DPP10: variants seen among roughly 807,000 people sequenced by gnomAD.
DPP10 encodes inactive dipeptidyl peptidase 10.
DPP10 carries 33 observed loss-of-function variants against 120.9 expected under a neutral mutation model. The observed-to-expected ratio is 0.27, with a 90% CI of 0.21 to 0.37. The LOEUF is 0.37. Ranked by LOEUF, DPP10 falls within the 10% of genes least tolerant of loss-of-function variation. The pLI is 1.00. For missense variants in DPP10, 816 were observed against 942.8 expected (o/e 0.87, Z 1.76); for synonymous variants, 337 against 326.1 (o/e 1.03, Z -0.36).
rs190211246 is a variant in DPP10 at position 114,577,497 on chromosome 2, C to T, written c.60+134659C>T. 1.8e-3 allele frequency among the ~76,000 whole-genome samples: 280 copies of T among 152,296 alleles called. 1 individual carries two copies. The highest frequency in any genetic ancestry group is 6.2e-3 in the African/African-American group (256 of 41,552). On this transcript the variant is annotated intron_variant, in intron 1 of 25. Transcript: ENST00000410059. ...CAGAGGGGTCCATAGAAAGTCAGAG[C>T]TGCTGCCATTGATGACGAGGCCGGA...
chr2:115,689,490 G>A (rs1161176255), intron 5 of DPP10, among the ~76,000 whole-genome samples, 197 bp from the exon 6 acceptor site: 1 of 152,046 alleles, frequency 6.6e-6, no homozygotes, highest in Non-Finnish European at 1.5e-5. Context: ...GATTAAATAA[G>A]CAATGGAATT....
At chr2:115,502,546 A>G (rs1046539158) in intron 4 of DPP10, among the ~76,000 whole-genome samples, 13 of 152,300 alleles carry the variant, frequency 8.5e-5, no homozygotes, top group African/African-American at 2.6e-4. Flanking sequence ...TCTGCTGTCA[A>G]TAATCTGAAT....
intron 5 of DPP10, among the ~76,000 whole-genome samples, chr2:115,645,476 GA>G (rs1431813912): frequency 6.6e-6 from 1 of 152,062 alleles, no homozygotes; most frequent in Non-Finnish European, 1.5e-5. Context: ...CACCTGCCTA[GA>G]AACTATATCA....
At chr2:115,677,229 T>C (rs1178890340) in intron 5 of DPP10, among the ~76,000 whole-genome samples, 1 of 152,052 alleles carries the variant, frequency 6.6e-6, no homozygotes, top group Non-Finnish European at 1.5e-5. Flanking sequence ...ATCTCTACCA[T>C]TATAAAAACA....
At chr2:115,107,630 CT>C (rs1441283983) in intron 1 of DPP10, among the ~76,000 whole-genome samples, 2 of 151,712 alleles carry the variant, frequency 1.3e-5, no homozygotes, top group African/African-American at 4.8e-5. Context: ...ATAACAAAAT[CT>C]TTTTCAATTT....
intron 5 of DPP10, among the ~76,000 whole-genome samples, chr2:115,620,788 C>G (rs951778190): frequency 6.6e-6 from 1 of 152,158 alleles, no homozygotes; most frequent in African/African-American, 2.4e-5. Flanking sequence ...GAATATAGTA[C>G]TAAGGCAGAA....
chr2:115,675,460 G>T (rs2090182762), intron 5 of DPP10, among the ~76,000 whole-genome samples: 1 of 152,048 alleles, frequency 6.6e-6, no homozygotes, highest in South Asian at 2.1e-4. Context: ...CATTGAATAG[G>T]ATGTTTAAGG....
At chr2:115,756,252 T>G (rs1196984173) in intron 11 of DPP10, among the ~76,000 whole-genome samples, 1 of 152,154 alleles carries the variant, frequency 6.6e-6, no homozygotes, top group Non-Finnish European at 1.5e-5. Flanking sequence ...GATTAAGTTC[T>G]AGTGTTCTGA....
chr2:115,590,074 G>GAGTATTGC (rs2082538113), intron 5 of DPP10, among the ~76,000 whole-genome samples: 1 of 149,874 alleles, frequency 6.7e-6, no homozygotes, highest in Non-Finnish European at 1.5e-5. Context: ...AGGAGCAGCA[G>GAGTATTGC]AGTATTGCAG....
chr2:115,466,172 T>C (rs2074312747), intron 3 of DPP10, among the ~76,000 whole-genome samples: 1 of 152,172 alleles, frequency 6.6e-6, no homozygotes, highest in African/African-American at 2.4e-5. Flanking sequence ...GAAACTTATG[T>C]GGAAATACCA....
At chr2:114,620,035 C>T (rs558819496) in intron 1 of DPP10, among the ~76,000 whole-genome samples, 4 of 151,982 alleles carry the variant, frequency 2.6e-5, no homozygotes, top group African/African-American at 7.2e-5. Context: ...CTAAAAATCT[C>T]GGTTTAAGTT....
intron 1 of DPP10, among the ~76,000 whole-genome samples, chr2:115,297,769 G>A (rs909808491): frequency 6.6e-6 from 1 of 152,052 alleles, no homozygotes; most frequent in Non-Finnish European, 1.5e-5. Context: ...GCAGAATGTA[G>A]CAGAAGATTA....
chr2:115,433,021 G>A (rs985070327), intron 3 of DPP10, among the ~76,000 whole-genome samples: 1 of 151,946 alleles, frequency 6.6e-6, no homozygotes, highest in African/African-American at 2.4e-5. Flanking sequence ...AACTCTCCCT[G>A]CCCTGAGAAA....
chr2:115,109,559 A>G (rs773921623), intron 1 of DPP10, among the ~76,000 whole-genome samples: 5 of 152,150 alleles, frequency 3.3e-5, no homozygotes, highest in African/African-American at 4.8e-5. Context: ...AAAAAATTCA[A>G]CGTTGTCAAT....
chr2:114,694,051 G>T (rs1699924273), intron 1 of DPP10, among the ~76,000 whole-genome samples: 1 of 151,802 alleles, frequency 6.6e-6, no homozygotes, highest in Admixed American at 6.6e-5. Context: ...CCCAATAAAG[G>T]AATATCAAGA....
chr2:114,672,975 G>A (rs1288348288), intron 1 of DPP10, among the ~76,000 whole-genome samples: 2 of 152,122 alleles, frequency 1.3e-5, no homozygotes, highest in Admixed American at 6.6e-5. Context: ...GGCCGTCTCA[G>A]CTCTAATAAC....
At chr2:115,781,811 A>C (rs1442962512) in intron 16 of DPP10, among the ~76,000 whole-genome samples, 1 of 152,058 alleles carries the variant, frequency 6.6e-6, no homozygotes, top group Non-Finnish European at 1.5e-5. Flanking sequence ...AAGTTTCAAG[A>C]TAACTTTTTA....
chr2:115,610,490 A>AGTGTGTGT (rs751694854), intron 5 of DPP10, among the ~76,000 whole-genome samples: 2 of 31,198 alleles, frequency 6.4e-5, no homozygotes, highest in Non-Finnish European at 6.9e-5. Flanking sequence ...AAGCAGTATG[A>AGTGTGTGT]GTGTGTGTGT....
At position 114,633,522 on chromosome 2, in the gene DPP10, C is replaced by T. The variant is rs554792518; in HGVS notation, c.60+190684C>T. On this transcript the variant is annotated intron_variant, in intron 1 of 25. Transcript: ENST00000410059. Reference sequence around the variant, plus strand: ...GCCTGCCTTGGCCTCCCAAAGTGCTCGGATTACAGGCATGAGCCACCGCAC... The same window carrying T: ...GCCTGCCTTGGCCTCCCAAAGTGCTTGGATTACAGGCATGAGCCACCGCAC... 4.0e-4 allele frequency among the ~76,000 whole-genome samples: 61 copies of T among 151,358 alleles called. 1 individual carries two copies. In the South Asian group the frequency reaches 9.4e-3, roughly 23 times the overall value.
Sources: gnomAD v4.1 joint callset for allele counts (sites outside exome capture counted in the v4.1 genomes callset) on GRCh38, gnomAD v4.1.1 for gene constraint, MANE v1.5 for transcripts, NCBI Gene and HGNC (gene_info 2026-07-23, HGNC 2026-07-21) for gene names.